SLC30A8: variants seen among roughly 807,000 people sequenced by gnomAD.
SLC30A8 encodes solute carrier family 30 member 8, also known as proton-coupled zinc antiporter SLC30A8.
Under a neutral mutation model 36.9 loss-of-function variants are expected in SLC30A8, and 27 were observed. The observed-to-expected ratio is 0.73, with a 90% CI of 0.54 to 1.01. SLC30A8 has a LOEUF of 1.01. Ranked by LOEUF, SLC30A8 falls within the 50% of genes least tolerant of loss-of-function variation. SLC30A8 has a pLI of 0.00. For synonymous variants in SLC30A8, 164 were observed against 172.4 expected, an observed-to-expected ratio of 0.95 and a Z score of 0.38; for missense variants, 439 against 452.0, an observed-to-expected ratio of 0.97 and a Z score of 0.26.
At chr8:117,027,522 G>C (rs1816911081) in intron 1 of SLC30A8, among the ~76,000 whole-genome samples, 1 of 152,112 alleles carries the variant, frequency 6.6e-6, no homozygotes, top group Non-Finnish European at 1.5e-5. Context: ...TCTGAATGAA[G>C]ACTCTAGTTC....
At chr8:116,958,841 ATT>A (rs758505118) in intron 1 of SLC30A8, among the ~76,000 whole-genome samples, 120 of 59,988 alleles carry the variant, frequency 2.0e-3, no homozygotes, top group African/African-American at 8.1e-3. Context: ...TGCTCTTTTC[ATT>A]TTTTTTTTTT....
intron 2 of SLC30A8, among the ~76,000 whole-genome samples, chr8:117,122,730 C>T (rs1043866204): frequency 3.9e-5 from 6 of 151,964 alleles, no homozygotes; most frequent in African/African-American, 1.4e-4. Flanking sequence ...GTGAAGACCT[C>T]CCTTATTGAA....
chr8:117,075,378 A>G (rs1404201105), intron 2 of SLC30A8, among the ~76,000 whole-genome samples: 4 of 152,186 alleles, frequency 2.6e-5, no homozygotes, highest in African/African-American at 9.6e-5. Flanking sequence ...TACTTGACTG[A>G]TTCTTTCTTT....
intron 2 of SLC30A8, among the ~76,000 whole-genome samples, chr8:117,058,806 CCACA>C (rs138407156): frequency 6.6e-6 from 1 of 152,030 alleles, no homozygotes; most frequent in Non-Finnish European, 1.5e-5. Flanking sequence ...TTATTGGAAT[CCACA>C]CACACACCCA....
chr8:117,016,377 C>A (rs901951380), intron 1 of SLC30A8, among the ~76,000 whole-genome samples: 2 of 152,126 alleles, frequency 1.3e-5, no homozygotes, highest in African/African-American at 4.8e-5. Flanking sequence ...TAATGTCAGA[C>A]TATAGTTGGG....
chr8:116,981,008 C>G (rs1815233928), intron 1 of SLC30A8, among the ~76,000 whole-genome samples: 1 of 152,284 alleles, frequency 6.6e-6, no homozygotes, highest in African/African-American at 2.4e-5. Flanking sequence ...TTTATAAATG[C>G]TCACCAACAC....
intron 1 of SLC30A8, among the ~76,000 whole-genome samples, chr8:116,967,796 A>G (rs1249767620): frequency 3.3e-5 from 5 of 152,166 alleles, no homozygotes; most frequent in African/African-American, 9.7e-5. Flanking sequence ...ACATCCAGCA[A>G]TTTAGGGGTA....
intron 2 of SLC30A8, among the ~76,000 whole-genome samples, chr8:117,060,801 G>T (rs1818004495): frequency 6.6e-6 from 1 of 152,134 alleles, no homozygotes; most frequent in Non-Finnish European, 1.5e-5. Flanking sequence ...AAACCACCAG[G>T]TGGTTTATAG....
intron 2 of SLC30A8, among the ~76,000 whole-genome samples, chr8:117,087,164 G>A (rs892991983): frequency 6.6e-6 from 1 of 152,154 alleles, no homozygotes; most frequent in Non-Finnish European, 1.5e-5. Context: ...TACGTGATTG[G>A]CATTCAGCTT....
At chr8:117,069,245 A>T (rs906745462) in intron 2 of SLC30A8, among the ~76,000 whole-genome samples, 1 of 152,240 alleles carries the variant, frequency 6.6e-6, no homozygotes, top group Non-Finnish European at 1.5e-5. Context: ...GAGGATAAAA[A>T]AGAAAACAAA....
intron 1 of SLC30A8, among the ~76,000 whole-genome samples, chr8:116,978,196 C>G (rs1815119668): frequency 6.6e-6 from 1 of 152,124 alleles, no homozygotes; most frequent in African/African-American, 2.4e-5. Flanking sequence ...TGGTTACATA[C>G]ATAAAGTCTT....
intron 1 of SLC30A8, among the ~76,000 whole-genome samples, chr8:116,976,242 CTTTTTT>C (rs78495363): frequency 8.5e-6 from 1 of 118,062 alleles, no homozygotes; most frequent in South Asian, 2.9e-4. Context: ...AGTTCTCTCT[CTTTTTT>C]TTTTTTTTTT....
intron 4 of SLC30A8, among the ~76,000 whole-genome samples, chr8:117,161,252 A>G (rs1006433347): frequency 6.8e-4 from 103 of 152,366 alleles, no homozygotes; most frequent in African/African-American, 2.3e-3. Context: ...AATGCACAAA[A>G]TTAGGTAAAA....
At chr8:117,160,710 C>T (rs971964741) in intron 4 of SLC30A8, among the ~76,000 whole-genome samples, 1 of 152,158 alleles carries the variant, frequency 6.6e-6, no homozygotes, top group South Asian at 2.1e-4. Context: ...GTCTAAGGAA[C>T]CTTAAATGTT....
intron 2 of SLC30A8, among the ~76,000 whole-genome samples, chr8:117,126,715 G>A (rs1293456635): frequency 1.3e-5 from 2 of 152,068 alleles, no homozygotes; most frequent in Non-Finnish European, 2.9e-5. Context: ...ATTCTCATAG[G>A]AGTAGATGAG....
At chr8:117,108,336 A>G (rs1002681322) in intron 2 of SLC30A8, among the ~76,000 whole-genome samples, 92 of 152,316 alleles carry the variant, frequency 6.0e-4, no homozygotes, top group African/African-American at 2.1e-3. Flanking sequence ...AATAAGCAGA[A>G]TGGTGTTTAG....
intron 1 of SLC30A8, among the ~76,000 whole-genome samples, chr8:116,975,457 T>C (rs907841623): frequency 2.0e-5 from 3 of 152,198 alleles, no homozygotes; most frequent in African/African-American, 7.2e-5. Flanking sequence ...ATGTGGTCTG[T>C]CTTAGTTGTC....
At position 116,986,081 on chromosome 8, in the gene SLC30A8, C is replaced by T. The variant is rs540775204; in HGVS notation, c.-266+34962C>T. The stretch of plus-strand genomic sequence containing the variant: ...GGTCATCAGTAGGAAATATCCCACC[C>T]GTCACATAATTCTAGAAGTCTAACA... On this transcript the variant is annotated intron_variant, in intron 1 of 10. Transcript: ENST00000427715. 8.6e-5 allele frequency among the ~76,000 whole-genome samples: 13 copies of T among 151,934 alleles called. No homozygotes were observed. The East Asian group carries it at 1.4e-3, about 16-fold the overall frequency.
At chr8:117,044,119 G>A (rs1817473231) in intron 2 of SLC30A8, among the ~76,000 whole-genome samples, 1 of 152,196 alleles carries the variant, frequency 6.6e-6, no homozygotes, top group South Asian at 2.1e-4. Flanking sequence ...TCCAAAGGAG[G>A]TGACATTTAG....
Sources: gnomAD v4.1 joint callset for allele counts (sites outside exome capture counted in the v4.1 genomes callset) on GRCh38, gnomAD v4.1.1 for gene constraint, MANE v1.5 for transcripts, NCBI Gene and HGNC (gene_info 2026-07-23, HGNC 2026-07-21) for gene names.